Variants in CACNA1C observed in about 807,000 individuals in gnomAD.
CACNA1C encodes the protein calcium voltage-gated channel subunit alpha1 C.
A neutral mutation model predicts 229.0 loss-of-function variants in CACNA1C; 30 were observed. The observed-to-expected ratio is 0.13, with a 90% confidence interval of 0.10 to 0.18. The LOEUF is 0.18. Ranked by LOEUF, CACNA1C falls within the 10% of genes least tolerant of loss-of-function variation. The pLI is 1.00. For missense variants in CACNA1C, 1,658 were observed against 2,845.0 expected, an observed-to-expected ratio of 0.58 and a Z score of 9.49; for synonymous variants, 1,114 against 1,132.5, an observed-to-expected ratio of 0.98 and a Z score of 0.33.
chr12:2,307,893 C>CTACT (rs1399115533), intron 3 of CACNA1C, among the ~76,000 whole-genome samples: 1 of 152,164 alleles, frequency 6.6e-6, no homozygotes, highest in African/African-American at 2.4e-5. Context: ...GCCACAGAGG[C>CTACT]TACTCTTCAT....
intron 5 of CACNA1C, among the ~76,000 whole-genome samples, chr12:2,470,950 A>C (rs1202718695): frequency 1.3e-5 from 2 of 151,904 alleles, no homozygotes; most frequent in Non-Finnish European, 2.9e-5. Flanking sequence ...CTCGTGCCTC[A>C]TCTTCCAAGT....
At chr12:2,227,184 TC>T (rs1003072343) in intron 3 of CACNA1C, among the ~76,000 whole-genome samples, 1 of 152,208 alleles carries the variant, frequency 6.6e-6, no homozygotes, top group Non-Finnish European at 1.5e-5. Context: ...TCCTTCCAGC[TC>T]CTCGCCTTCC....
intron 3 of CACNA1C, among the ~76,000 whole-genome samples, chr12:2,310,210 G>T (rs1195025172): frequency 1.3e-5 from 2 of 151,972 alleles, no homozygotes; most frequent in Non-Finnish European, 2.9e-5. Flanking sequence ...TGCTCGGAGA[G>T]GCTACATAAC....
In CACNA1C at chr12:2,115,284, G is replaced by A. The variant is rs896227835; in HGVS notation, c.110G>A (p.Gly37Glu). Reference sequence around the variant, plus strand: ...AACATGAATGCCAATGCGGCAGCGGGGCTGGCCCCTGAGCACATCCCCACC... The same window carrying A: ...AACATGAATGCCAATGCGGCAGCGGAGCTGGCCCCTGAGCACATCCCCACC... ...HANMNANAAA[G>E]LAPEHIPTPG... The change falls in exon 2 of 47, where the codon GGG becomes GAG. Residue 37 changes from glycine to glutamate, a missense_variant. By Grantham distance (98) the Gly-to-Glu change is moderately conservative. This residue lies in a region of CACNA1C where 111 missense variants were observed against 128.0 expected (regional missense o/e 0.87). Coordinates refer to ENST00000399655, the MANE Select transcript of CACNA1C (RefSeq NM_000719.7). The A allele has an allele frequency of 6.3e-7, 1 of 1,592,142 alleles. No homozygotes were observed. The highest frequency in any genetic ancestry group is 8.5e-7 in the Non-Finnish European group (1 of 1,170,378).
At position 2,480,262 on chromosome 12, in the gene CACNA1C, C is replaced by A. The variant is rs563752512; in HGVS notation, c.758-5842C>A. On this transcript the variant is annotated intron_variant, in intron 5 of 46. Transcript: ENST00000399655. The stretch of plus-strand genomic sequence containing the variant: ...ATCCAGGCTACGTCGCAGTCTGGAC[C>A]CCACAGCCCTGGCGCCGGGACCCTC... 2.0e-5 allele frequency among the ~76,000 whole-genome samples: 3 copies of A among 152,212 alleles called. No homozygotes were observed. The East Asian group carries it at 5.8e-4, about 29-fold the overall frequency.
intron 9 of CACNA1C, among the ~76,000 whole-genome samples, chr12:2,541,942 C>A (rs958601462): frequency 2.0e-5 from 3 of 152,058 alleles, no homozygotes; most frequent in Non-Finnish European, 4.4e-5. Context: ...TAAAAAGCTC[C>A]GAGACGGGGG....
rs1555857966 is a variant in CACNA1C, at chr12:2,595,884, C to G, written c.2674C>G (p.Gln892Glu). 6.2e-7 allele frequency: 1 copy of G among 1,613,530 alleles called. No individual in the cohort carries two copies. The highest frequency in any genetic ancestry group is 8.5e-7 in the Non-Finnish European group (1 of 1,179,766). Residue 892 changes from glutamine to glutamate, a missense_variant, in exon 20 of 47, where the codon CAG becomes GAG. Coordinates refer to ENST00000399655, the MANE Select transcript of CACNA1C (RefSeq NM_000719.7). The surrounding 1 kb of genome is among the most constrained non-coding windows in gnomAD (Gnocchi z 4.1). ...CCCTCTCCCGTACAGGTTTCGCCTC[C>G]AGTGCCACCGCATTGTCAATGACAC... The part of the protein sequence containing the change: ...IFSSNNRFRL[Q>E]CHRIVNDTIF...
At chr12:2,071,547 T>A (rs7132084) in intron 1 of CACNA1C, among the ~76,000 whole-genome samples, 112,691 of 151,584 alleles carry the variant, frequency 0.74, 42,202 homozygotes, top group Middle Eastern at 0.81. Flanking sequence ...TCAAATATTA[T>A]CTCTCCCCTA....
rs12425252 is a variant in CACNA1C at position 2,530,939 on chromosome 12, C to T, written c.1390+17955C>T. On this transcript the variant is annotated intron_variant, in intron 9 of 46. Transcript: ENST00000399655. Reference sequence around the variant, plus strand: ...TTCCAGTAAGAGTACCGCCTCCAGGCGACCTTTAGACGCACAGCAAGGGGT... The same window carrying T: ...TTCCAGTAAGAGTACCGCCTCCAGGTGACCTTTAGACGCACAGCAAGGGGT... Among the ~76,000 whole-genome samples the T allele has an allele frequency of 5.3e-3, 800 of 152,314 alleles. 23 individuals are homozygous for T. Among genetic ancestry groups the T allele is most frequent in the Admixed American group, 0.044 (677 of 15,302 alleles).
At chr12:2,468,958 C>T (rs1321867790) in intron 5 of CACNA1C, among the ~76,000 whole-genome samples, 2 of 152,238 alleles carry the variant, frequency 1.3e-5, no homozygotes, top group African/African-American at 4.8e-5. Flanking sequence ...GCGTAATTTT[C>T]AGTCAGCTGA....
intron 3 of CACNA1C, among the ~76,000 whole-genome samples, chr12:2,448,523 C>T (rs902479463): frequency 9.9e-5 from 15 of 152,094 alleles, no homozygotes; most frequent in African/African-American, 2.9e-4. Context: ...CTCCCCAAGA[C>T]CAAGTCTGCT....
At chr12:2,628,463 C>T (rs571373427) in intron 29 of CACNA1C, among the ~76,000 whole-genome samples, 1 of 152,284 alleles carries the variant, frequency 6.6e-6, no homozygotes, top group African/African-American at 2.4e-5. Context: ...ACCTGAGAGA[C>T]AGACTAAAGG....
At chr12:2,301,481 TA>T (rs1026054826) in intron 3 of CACNA1C, among the ~76,000 whole-genome samples, 16 of 152,072 alleles carry the variant, frequency 1.1e-4, no homozygotes, top group African/African-American at 3.9e-4. Context: ...AAGGTTCTGT[TA>T]GTTAAATGAG....
At position 2,607,086 on chromosome 12, in the gene CACNA1C, C is replaced by T. The variant is rs907573965; in HGVS notation, c.3312C>T (p.Ala1104=). 1.2e-6 allele frequency: 2 copies of T among 1,613,934 alleles called. No individual in the cohort carries two copies. Among genetic ancestry groups the T allele is most frequent in the Non-Finnish European group, 1.7e-6 (2 of 1,179,886 alleles). ...SKFDFDNVLA[A]MMALFTVSTF... is the part of the protein sequence containing the mutation. Reference sequence around the variant, plus strand: ...TTGACTTTGACAATGTTCTGGCAGCCATGATGGCCCTCTTCACCGTCTCCA... The same window carrying T: ...TTGACTTTGACAATGTTCTGGCAGCTATGATGGCCCTCTTCACCGTCTCCA... Residue 1104 remains alanine (A), a synonymous_variant, in exon 26 of 47, where the codon GCC becomes GCT. Transcript: ENST00000399655.
Position 2,242,623 on chromosome 12 carries a change from T to C in CACNA1C, c.477+122193T>C, listed in dbSNP as rs374157236. On this transcript the variant is annotated intron_variant, in intron 3 of 46. Coordinates refer to ENST00000399655, the MANE Select transcript of CACNA1C (RefSeq NM_000719.7). ...TACTTCAGGGAGTCTTCCTAGATTATTGAGGCCCAACCGGATTCTTTACTT... is the reference window on the plus strand; with the variant it reads ...TACTTCAGGGAGTCTTCCTAGATTACTGAGGCCCAACCGGATTCTTTACTT... Among the ~76,000 whole-genome samples the C allele has an allele frequency of 1.1e-4, 17 of 152,356 alleles. No homozygotes were observed. In the South Asian group the frequency reaches 1.7e-3, roughly 15 times the overall value.
intron 3 of CACNA1C, among the ~76,000 whole-genome samples, chr12:2,243,045 C>A (rs1206066636): frequency 6.6e-6 from 1 of 152,128 alleles, no homozygotes; most frequent in Non-Finnish European, 1.5e-5. Flanking sequence ...TTTGTTTGAA[C>A]TTTTGGATAG....
At chr12:2,669,420 G>A (rs1206390310) in intron 38 of CACNA1C, among the ~76,000 whole-genome samples, 4 of 152,170 alleles carry the variant, frequency 2.6e-5, no homozygotes, top group East Asian at 1.9e-4. Context: ...GTCCTGGGCC[G>A]CATGTGGCCC....
At chr12:2,325,973 C>T (rs987721915) in intron 3 of CACNA1C, among the ~76,000 whole-genome samples, 1 of 152,204 alleles carries the variant, frequency 6.6e-6, no homozygotes, top group African/African-American at 2.4e-5. Context: ...TCACGGCAAA[C>T]ATCAGCCTGG....
intron 3 of CACNA1C, among the ~76,000 whole-genome samples, chr12:2,315,736 C>T (rs932421658): frequency 2.3e-4 from 35 of 152,240 alleles, no homozygotes; most frequent in African/African-American, 8.4e-4. Flanking sequence ...ATTTTAGGTG[C>T]GTGTGTACAA....
Sources: allele counts gnomAD v4.1 joint callset (sites outside exome capture counted in the v4.1 genomes callset), GRCh38; gene constraint gnomAD v4.1.1; regional missense constraint gnomAD v4.1.1; non-coding constraint Gnocchi (gnomAD v3.1); transcripts MANE v1.5; gene names NCBI Gene and HGNC (gene_info 2026-07-23, HGNC 2026-07-21).